The following PTPRZ1 variants were observed in gnomAD, a reference collection of about 807,000 sequenced individuals.
PTPRZ1 encodes receptor-type tyrosine-protein phosphatase zeta.
In PTPRZ1, 82 loss-of-function variants were observed where a neutral mutation model predicts 214.1. The ratio of observed to expected loss-of-function variants is 0.38; its 90% confidence interval spans 0.32 to 0.46. The LOEUF (loss-of-function observed/expected upper bound fraction) is 0.46, where lower values mean the gene tolerates loss of function less well. PTPRZ1 is among the 20% of genes least tolerant of loss of function. The pLI, the probability that PTPRZ1 is intolerant of heterozygous loss-of-function variation, is 1.00. For synonymous variants in PTPRZ1, 945 were observed against 987.9 expected (o/e 0.96, Z 0.81); for missense variants, 2,603 against 2,748.7 (o/e 0.95, Z 1.19).
intron 13 of PTPRZ1, among the ~76,000 whole-genome samples, chr7:122,020,389 A>C (rs933556359): frequency 6.6e-6 from 1 of 152,220 alleles, no homozygotes; most frequent in Non-Finnish European, 1.5e-5. Context: ...AAAAGTAGTC[A>C]GAGAACAAAG....
chr7:122,000,928 C>T (rs1798304986), intron 10 of PTPRZ1, among the ~76,000 whole-genome samples: 1 of 151,698 alleles, frequency 6.6e-6, no homozygotes, highest in Non-Finnish European at 1.5e-5. Flanking sequence ...TCGTGATCCA[C>T]CCACCTCAGC....
rs185238900 is a variant in PTPRZ1 at position 121,996,475 on chromosome 7, C to T, written c.1022C>T (p.Thr341Ile). The change falls in exon 9 of 30, where the codon ACC (threonine) becomes ATC (isoleucine). Residue 341 changes from threonine (T) to isoleucine (I), a missense_variant. Transcript: ENST00000393386. ...TWERPRVVYD[T>I]MIEKFAVLYQ... is the part of the protein sequence containing the mutation. ...GAAAGACCTCGAGTCGTTTATGATACCATGATTGAGAAGTTTGCAGTTTTG... is the reference window on the plus strand; with the variant it reads ...GAAAGACCTCGAGTCGTTTATGATATCATGATTGAGAAGTTTGCAGTTTTG... The T allele has an allele frequency of 2.9e-5, 41 of 1,390,658 alleles. No individual in the cohort carries two copies. The highest frequency in any genetic ancestry group is 4.0e-5 in the Non-Finnish European group (41 of 1,014,216). The allele number at this position is 1,390,658 out of a possible 1,614,324, so 86.1% of individuals were successfully genotyped here.
intron 1 of PTPRZ1, among the ~76,000 whole-genome samples, chr7:121,891,156 A>G (rs1375112521): frequency 6.6e-6 from 1 of 151,646 alleles, no homozygotes. Flanking sequence ...CCACTTCCTC[A>G]CTTCCTTTGG....
At chr7:121,923,487 A>G (rs1413964596) in intron 1 of PTPRZ1, among the ~76,000 whole-genome samples, 1 of 152,092 alleles carries the variant, frequency 6.6e-6, no homozygotes, top group African/African-American at 2.4e-5. Context: ...TATTTTGGCC[A>G]CTTATGGCAA....
intron 11 of PTPRZ1, among the ~76,000 whole-genome samples, chr7:122,007,360 T>G (rs1042760340): frequency 6.6e-6 from 1 of 152,080 alleles, no homozygotes; most frequent in African/African-American, 2.4e-5. Flanking sequence ...ACCACACAGA[T>G]GGGGATTTAA....
chr7:122,018,541 T>C (rs1206385), intron 12 of PTPRZ1, among the ~76,000 whole-genome samples: 94,132 of 151,228 alleles, frequency 0.62, 31,291 homozygotes, highest in African/African-American at 0.87. Flanking sequence ...AATAAAACAA[T>C]GGGTAAGAAG....
rs927031907 is a variant in PTPRZ1 at position 122,050,898 on chromosome 7, T to C, written c.6085-530T>C. On this transcript the variant is annotated intron_variant, in intron 23 of 29. Coordinates refer to ENST00000393386, the MANE Select transcript of PTPRZ1 (RefSeq NM_002851.3). ...TGCTCTATGGAAACCGTCACACATG[T>C]GCACATTAAGAGACATACAGGAGAT... Among the ~76,000 whole-genome samples, 8 of 152,274 alleles carry C rather than the reference T, an allele frequency of 5.3e-5. No homozygotes were observed. In the East Asian group the frequency reaches 1.5e-3, roughly 29 times the overall value.
At chr7:121,949,864 G>A (rs1278462940) in intron 2 of PTPRZ1, among the ~76,000 whole-genome samples, 1 of 152,136 alleles carries the variant, frequency 6.6e-6, no homozygotes, top group Non-Finnish European at 1.5e-5. Flanking sequence ...TTGGAATAAA[G>A]TATTCTGGGA....
chr7:121,958,698 T>C (rs1371052990), intron 2 of PTPRZ1, among the ~76,000 whole-genome samples: 2 of 152,188 alleles, frequency 1.3e-5, no homozygotes, highest in African/African-American at 4.8e-5. Context: ...ACGTGACTGG[T>C]ACCATGATAC....
At chr7:121,879,571 A>G (rs1166636066) in intron 1 of PTPRZ1, among the ~76,000 whole-genome samples, 2 of 152,208 alleles carry the variant, frequency 1.3e-5, no homozygotes, top group Non-Finnish European at 2.9e-5. Context: ...GAGTTTGTCA[A>G]TAGTTTTATC....
At chr7:121,985,450 C>G (rs1336633721) in intron 8 of PTPRZ1, among the ~76,000 whole-genome samples, 3 of 152,148 alleles carry the variant, frequency 2.0e-5, no homozygotes, top group Non-Finnish European at 2.9e-5. Context: ...TATTGCATGG[C>G]AGGCTCTGTG....
At chr7:121,898,865 G>A (rs779361134) in intron 1 of PTPRZ1, among the ~76,000 whole-genome samples, 1 of 152,170 alleles carries the variant, frequency 6.6e-6, no homozygotes, top group Non-Finnish European at 1.5e-5. Context: ...AGAACAGAGT[G>A]TGTGTTCAAG....
At chr7:121,887,494 T>C (rs1471222172) in intron 1 of PTPRZ1, among the ~76,000 whole-genome samples, 3 of 152,076 alleles carry the variant, frequency 2.0e-5, no homozygotes, top group Admixed American at 2.0e-4. Flanking sequence ...AGAAAGTAGG[T>C]CAATCAAATC....
intron 2 of PTPRZ1, among the ~76,000 whole-genome samples, chr7:121,929,585 A>T (rs1217933687): frequency 6.6e-6 from 1 of 151,688 alleles, no homozygotes; most frequent in Non-Finnish European, 1.5e-5. Context: ...AGGTGGGTAG[A>T]TCACAAGGTC....
At chr7:121,890,235 A>G (rs912786572) in intron 1 of PTPRZ1, among the ~76,000 whole-genome samples, 1 of 152,112 alleles carries the variant, frequency 6.6e-6, no homozygotes, top group Non-Finnish European at 1.5e-5. Flanking sequence ...TGATCTCCTG[A>G]TCTTCCTCCC....
intron 1 of PTPRZ1, among the ~76,000 whole-genome samples, chr7:121,875,057 G>A (rs968522621): frequency 9.1e-5 from 13 of 143,302 alleles, no homozygotes; most frequent in Non-Finnish European, 1.4e-4. Context: ...AAAAAAAAAA[G>A]ATAAAATTCA....
intron 24 of PTPRZ1, 95 bp from the exon 25 acceptor site, chr7:122,051,771 C>A (rs1367635208): frequency 2.6e-6 from 3 of 1,152,436 alleles, no homozygotes; most frequent in Non-Finnish European, 3.8e-6. Flanking sequence ...TATTTTACAT[C>A]TGGCATGGGG....
chr7:122,007,099 A>G (rs1458420202), intron 11 of PTPRZ1, among the ~76,000 whole-genome samples: 2 of 152,092 alleles, frequency 1.3e-5, no homozygotes, highest in Admixed American at 1.3e-4. Context: ...GGAAAGCAAA[A>G]TGAGAATATA....
chr7:122,039,375 G>T, intron 19 of PTPRZ1, 79 bp from the exon 20 acceptor site: 1 of 1,481,774 alleles, frequency 6.7e-7, no homozygotes, highest in East Asian at 2.3e-5. Context: ...CACCATCTCA[G>T]ACCTTTACTG....
Sources: gnomAD v4.1 joint callset for allele counts (sites outside exome capture counted in the v4.1 genomes callset) on GRCh38, gnomAD v4.1.1 for gene constraint, MANE v1.5 for transcripts, NCBI Gene and HGNC (gene_info 2026-07-23, HGNC 2026-07-21) for gene names.